The following NUSAP1 variants were observed in gnomAD, a reference collection of about 807,000 sequenced individuals.
NUSAP1 encodes nucleolar and spindle associated protein 1, also known as nucleolar and spindle-associated protein 1.
In NUSAP1, 32 loss-of-function variants were observed where a neutral mutation model predicts 52.8. The observed-to-expected ratio is 0.61, with a 90% CI of 0.46 to 0.81. The LOEUF (loss-of-function observed/expected upper bound fraction) is 0.81, where lower values mean the gene tolerates loss of function less well. Ranked by LOEUF, NUSAP1 falls within the 40% of genes least tolerant of loss-of-function variation. NUSAP1 has a pLI of 0.00. For missense variants in NUSAP1, 499 were observed against 522.3 expected, an observed-to-expected ratio of 0.96 and a Z score of 0.43; for synonymous variants, 195 against 183.1, an observed-to-expected ratio of 1.06 and a Z score of -0.52.
In NUSAP1 at chr15:41,348,270, G is replaced by C. The variant is rs1201200347; in HGVS notation, c.163-828G>C. Among the ~76,000 whole-genome samples, 3 of 152,290 alleles carry C rather than the reference G, an allele frequency of 2.0e-5. No homozygotes were observed. The East Asian group carries it at 5.8e-4, about 29-fold the overall frequency. ...ATTTTTGTATTTTTAGTAGAGACAG[G>C]GTTTCACTGTGTTGGCCAGGCTGGT... is the stretch of plus-strand genomic sequence containing the variant. On this transcript the variant is annotated intron_variant, in intron 2 of 10. Transcript: ENST00000559596.
chr15:41,339,212 G>A (rs1458967986), intron 1 of NUSAP1, among the ~76,000 whole-genome samples: 2 of 152,106 alleles, frequency 1.3e-5, no homozygotes, highest in African/African-American at 2.4e-5. Context: ...TGCATTAGAG[G>A]ATCATGTGGG....
At chr15:41,336,121 G>A (rs111533086) in intron 1 of NUSAP1, among the ~76,000 whole-genome samples, 3,541 of 151,186 alleles carry the variant, frequency 0.023, 55 homozygotes, top group Middle Eastern at 0.062. Context: ...TTAGCCAGGC[G>A]TGGCAGGGGG....
intron 1 of NUSAP1, among the ~76,000 whole-genome samples, chr15:41,338,189 C>T (rs531824398): frequency 4.6e-5 from 7 of 152,116 alleles, no homozygotes; most frequent in South Asian, 2.1e-4. Flanking sequence ...CCTGCCTTGG[C>T]GTCCCAAAGT....
At chr15:41,353,071 GTTTC>G (rs1300771984) in intron 4 of NUSAP1, among the ~76,000 whole-genome samples, 4 of 152,118 alleles carry the variant, frequency 2.6e-5, no homozygotes, top group Non-Finnish European at 5.9e-5. Flanking sequence ...CTGCTAGGTT[GTTTC>G]TTTGTGAAGT....
intron 1 of NUSAP1, among the ~76,000 whole-genome samples, chr15:41,333,629 T>C (rs778562742): frequency 6.6e-6 from 1 of 152,154 alleles, no homozygotes; most frequent in Non-Finnish European, 1.5e-5. Context: ...TACAAGATGT[T>C]TGGAGAGTTG....
chr15:41,337,257 G>C (rs183364695), intron 1 of NUSAP1, among the ~76,000 whole-genome samples: 1 of 152,084 alleles, frequency 6.6e-6, no homozygotes, highest in African/African-American at 2.4e-5. Flanking sequence ...GAGATTCAGC[G>C]ATCCTCGCGC....
chr15:41,362,366 T>C (rs2140740282), intron 6 of NUSAP1, among the ~76,000 whole-genome samples: 1 of 151,664 alleles, frequency 6.6e-6, no homozygotes, highest in African/African-American at 2.4e-5. Context: ...TATTCTTATT[T>C]ATCTATATTA....
chr15:41,366,351 C>T (rs1335330904), intron 7 of NUSAP1, among the ~76,000 whole-genome samples: 2 of 148,638 alleles, frequency 1.3e-5, no homozygotes, highest in South Asian at 2.1e-4. Flanking sequence ...AGTGCAGTGA[C>T]GAGATCTTGA....
At chr15:41,338,946 C>T (rs1269037052) in intron 1 of NUSAP1, among the ~76,000 whole-genome samples, 1 of 151,876 alleles carries the variant, frequency 6.6e-6, no homozygotes, top group East Asian at 1.9e-4. Flanking sequence ...CCCTGGGCGA[C>T]AGAGCGAGAC....
chr15:41,338,015 C>T (rs1055685916), intron 1 of NUSAP1, among the ~76,000 whole-genome samples: 1 of 149,630 alleles, frequency 6.7e-6, no homozygotes, highest in African/African-American at 2.5e-5. Context: ...TCACTGCAAC[C>T]TCCACTTCCC....
At position 41,358,158 on chromosome 15, in the gene NUSAP1, A is replaced by G. The variant is rs367804474; in HGVS notation, c.560A>G (p.Lys187Arg). 6 of 1,465,700 alleles carry G rather than the reference A, an allele frequency of 4.1e-6. No individual in the cohort carries two copies. The highest frequency in any genetic ancestry group is 5.7e-6 in the Non-Finnish European group (6 of 1,061,522). The allele number at this position is 1,465,700 out of a possible 1,614,324, so 90.8% of individuals were successfully genotyped here. ...RTAITTPNFKKLHEAHFKEME... is the reference protein window; with the variant it reads ...RTAITTPNFKRLHEAHFKEME... ...TATTGGAACATTCTAGACTTTAAGA[A>G]GCTTCATGAAGCTCATTTTAAGGAA... Residue 187 changes from lysine to arginine, a missense_variant, in exon 6 of 11, where the codon AAG becomes AGG. Lys to Arg is a conservative substitution (Grantham distance 26, BLOSUM62 2). Transcript: ENST00000559596.
intron 4 of NUSAP1, among the ~76,000 whole-genome samples, chr15:41,352,255 C>T (rs1291437371): frequency 6.6e-6 from 1 of 151,992 alleles, no homozygotes; most frequent in African/African-American, 2.4e-5. Flanking sequence ...CTTTCGCTTT[C>T]TTTTGCCTAC....
Position 41,332,993 on chromosome 15 carries a change from C to G in NUSAP1, c.36C>G (p.Leu12=). Residue 12 remains leucine (L), a synonymous_variant, in exon 1 of 11, where the codon CTC becomes CTG. Coordinates refer to ENST00000559596, the MANE Select transcript of NUSAP1 (RefSeq NM_016359.5). ...IIPSLEELDS[L]KYSDLQNLAK... ...CCTCTCTAGAGGAGCTGGACTCCCT[C>G]AAGTACAGTGACCTGCAGAACTTAG... is the stretch of plus-strand genomic sequence containing the variant. 3 of 1,612,128 alleles carry G rather than the reference C, an allele frequency of 1.9e-6. 1 individual carries two copies. The South Asian group carries it at 3.3e-5, about 18-fold the overall frequency.
At chr15:41,365,868 G>C in intron 7 of NUSAP1, 1 of 174,692 alleles carries the variant, frequency 5.7e-6, no homozygotes, top group South Asian at 1.3e-4. Context: ...CTACAGGTAC[G>C]TGCCACCATG....
chr15:41,366,065 G>T (rs898279535), intron 7 of NUSAP1, among the ~76,000 whole-genome samples: 2 of 151,938 alleles, frequency 1.3e-5, no homozygotes, highest in African/African-American at 4.8e-5. Context: ...TCAGATCAGG[G>T]TAATTAGCAT....
In NUSAP1 at chr15:41,377,245, A is replaced by T; in HGVS notation, c.1173A>T (p.Gln391His). 6.5e-7 allele frequency: 1 copy of T among 1,542,876 alleles called. No homozygotes were observed. Among genetic ancestry groups the T allele is most frequent in the Non-Finnish European group, 8.8e-7 (1 of 1,141,740 alleles). The change falls in exon 10 of 11, where the codon CAA becomes CAT. Residue 391 changes from glutamine (Q) to histidine (H), a missense_variant. Coordinates refer to ENST00000559596, the MANE Select transcript of NUSAP1 (RefSeq NM_016359.5). ...CTAAAGAAAATAATTATCTAAATCA[A>T]CATGTCAACAGAATTAACTTCTACA... is the stretch of plus-strand genomic sequence containing the variant. ...GQSKENNYLNQHVNRINFYKK... is the reference protein window; with the variant it reads ...GQSKENNYLNHHVNRINFYKK...
In NUSAP1 at chr15:41,333,021, A is replaced by G; in HGVS notation, c.64A>G (p.Lys22Glu). 2 of 1,611,732 alleles carry G rather than the reference A, an allele frequency of 1.2e-6. No homozygotes were observed. The highest frequency in any genetic ancestry group is 2.2e-5 in the East Asian group (1 of 44,850). ...GTACAGTGACCTGCAGAACTTAGCC[A>G]AGAGTCTGGGTCTCCGGGCCAACCT... Reference protein sequence around the residue: ...LKYSDLQNLAKSLGLRANLRA... With the variant: ...LKYSDLQNLAESLGLRANLRA... Residue 22 changes from lysine to glutamate, a missense_variant, in exon 1 of 11, where the codon AAG becomes GAG. By Grantham distance (56) the Lys-to-Glu change is moderately conservative. Transcript: ENST00000559596.
intron 4 of NUSAP1, 110 bp from the exon 5 acceptor site, chr15:41,355,929 C>T (rs2048952552): frequency 6.4e-6 from 4 of 628,264 alleles, no homozygotes; most frequent in South Asian, 1.8e-5. Flanking sequence ...CCACCCGCCT[C>T]GGCCTCCCAA....
At chr15:41,353,115 A>G (rs1287170635) in intron 4 of NUSAP1, among the ~76,000 whole-genome samples, 2 of 152,110 alleles carry the variant, frequency 1.3e-5, no homozygotes, top group Admixed American at 6.6e-5. Context: ...ATTAGTAAGT[A>G]TCCTGTGGAG....
Sources: gnomAD v4.1 joint callset for allele counts (sites outside exome capture counted in the v4.1 genomes callset) on GRCh38, gnomAD v4.1.1 for gene constraint, MANE v1.5 for transcripts, NCBI Gene and HGNC (gene_info 2026-07-23, HGNC 2026-07-21) for gene names.